NRXN3: variants seen among roughly 807,000 people sequenced by gnomAD.
NRXN3 encodes the protein neurexin III.
A neutral mutation model predicts 137.6 loss-of-function variants in NRXN3; 32 were observed. The observed-to-expected ratio is 0.23, with a 90% confidence interval of 0.18 to 0.31. NRXN3 has a LOEUF of 0.31. Ranked by LOEUF, NRXN3 falls within the 10% of genes least tolerant of loss-of-function variation. The probability of loss-of-function intolerance (pLI) is 1.00; values close to 1 mark genes in which losing one functional copy is unlikely to be tolerated. For missense variants in NRXN3, 1,574 were observed against 2,062.5 expected (o/e 0.76, Z 4.59); for synonymous variants, 798 against 784.5 (o/e 1.02, Z -0.29).
chr14:78,726,724 G>A (rs780489435), intron 8 of NRXN3, among the ~76,000 whole-genome samples: 1 of 151,650 alleles, frequency 6.6e-6, no homozygotes, highest in African/African-American at 2.4e-5. Flanking sequence ...TCACCATGTT[G>A]TCCAGGCTGG....
intron 4 of NRXN3, among the ~76,000 whole-genome samples, chr14:78,475,441 G>A (rs1056840930): frequency 1.3e-5 from 2 of 152,154 alleles, no homozygotes; most frequent in African/African-American, 4.8e-5. Context: ...TGTGCTGACT[G>A]CTTTATGACT....
intron 8 of NRXN3, among the ~76,000 whole-genome samples, chr14:78,782,392 T>A (rs186677391): frequency 2.5e-4 from 38 of 152,274 alleles, no homozygotes; most frequent in African/African-American, 8.9e-4. Context: ...CTTACATCTC[T>A]GGGAGGCGGG....
chr14:78,654,571 G>A (rs374738139), intron 6 of NRXN3, among the ~76,000 whole-genome samples: 27 of 152,182 alleles, frequency 1.8e-4, no homozygotes, highest in African/African-American at 3.1e-4. Context: ...ACTTGTGTGC[G>A]TACTTCCTAA....
At chr14:78,557,884 A>T (rs1010057589) in intron 4 of NRXN3, among the ~76,000 whole-genome samples, 27 of 152,200 alleles carry the variant, frequency 1.8e-4, no homozygotes, top group African/African-American at 6.3e-4. Flanking sequence ...TGAGCACATG[A>T]TTATATAACT....
intron 17 of NRXN3, among the ~76,000 whole-genome samples, chr14:79,671,070 G>A (rs2098605092): frequency 6.6e-6 from 1 of 152,138 alleles, no homozygotes; most frequent in Non-Finnish European, 1.5e-5. Context: ...GGTGATGGCT[G>A]CCATTTGCCG....
In NRXN3 at chr14:78,804,030, A is replaced by C. The variant is rs139956481; in HGVS notation, c.2248+207A>C. Among the ~76,000 whole-genome samples, 380 of 152,238 alleles carry C rather than the reference A, an allele frequency of 2.5e-3. 1 individual carries two copies. The highest frequency in any genetic ancestry group is 4.2e-3 in the Non-Finnish European group (289 of 68,020). ...TTTTGATGTCAATTTCTGGTTTCTG[A>C]CAGTGGTGATTTCTTTACTAGATTA... is the stretch of plus-strand genomic sequence containing the variant. On this transcript the variant is annotated intron_variant, in intron 9 of 20. Transcript: ENST00000335750.
At chr14:78,326,380 T>C (rs1472994897) in intron 4 of NRXN3, among the ~76,000 whole-genome samples, 1 of 152,164 alleles carries the variant, frequency 6.6e-6, no homozygotes, top group Non-Finnish European at 1.5e-5. Context: ...GATAAGTAAA[T>C]GTGAAGTTAC....
At chr14:79,215,578 GC>G (rs1418940715) in intron 15 of NRXN3, among the ~76,000 whole-genome samples, 1 of 152,130 alleles carries the variant, frequency 6.6e-6, no homozygotes, top group African/African-American at 2.4e-5. Flanking sequence ...TGAGAGCCAA[GC>G]AAAAGTGGTC....
At chr14:78,498,274 C>T (rs75063979) in intron 4 of NRXN3, among the ~76,000 whole-genome samples, 2,597 of 152,268 alleles carry the variant, frequency 0.017, 62 homozygotes, top group African/African-American at 0.052. Context: ...TTGAGAATAT[C>T]AGAGGGAGAT....
intron 19 of NRXN3, among the ~76,000 whole-genome samples, chr14:79,733,592 A>G (rs1303274456): frequency 2.6e-5 from 4 of 152,128 alleles, no homozygotes; most frequent in African/African-American, 7.2e-5. Flanking sequence ...ACTGCAGGAA[A>G]ATGCTGAATT....
intron 16 of NRXN3, among the ~76,000 whole-genome samples, chr14:79,616,999 T>C (rs2098163937): frequency 6.6e-6 from 1 of 152,054 alleles, no homozygotes; most frequent in Non-Finnish European, 1.5e-5. Flanking sequence ...CAAGTCCTGA[T>C]CTCATAGGCC....
intron 4 of NRXN3, among the ~76,000 whole-genome samples, chr14:78,639,681 G>A (rs370036315): frequency 2.0e-4 from 30 of 152,306 alleles, no homozygotes; most frequent in African/African-American, 7.2e-4. Context: ...ATCAGATATA[G>A]GGTGCTAGGC....
chr14:78,781,555 C>G (rs746990314), intron 8 of NRXN3, among the ~76,000 whole-genome samples: 12 of 152,194 alleles, frequency 7.9e-5, no homozygotes, highest in African/African-American at 2.2e-4. Flanking sequence ...ACTCCCTGCT[C>G]TCAATGGGAC....
chr14:79,690,019 T>C lies in NRXN3; in HGVS notation c.3617-2154T>C, dbSNP rs533608696. The stretch of plus-strand genomic sequence containing the variant: ...GAATGAAGGTCATTAATATATTTAA[T>C]GTGTAGCCAACAATGGCAGATACAG... On this transcript the variant is annotated intron_variant, in intron 17 of 20. Coordinates refer to ENST00000335750, the MANE Select transcript of NRXN3 (RefSeq NM_001330195.2). 2.0e-5 allele frequency among the ~76,000 whole-genome samples: 3 copies of C among 152,322 alleles called. No homozygotes were observed. The South Asian group carries it at 6.2e-4, about 32-fold the overall frequency.
At chr14:79,486,903 T>C (rs2096660311) in intron 16 of NRXN3, among the ~76,000 whole-genome samples, 1 of 146,742 alleles carries the variant, frequency 6.8e-6, no homozygotes, top group East Asian at 2.0e-4. Context: ...TATTAAACTC[T>C]CTTTACAGGT....
chr14:78,329,179 C>T (rs1374126747), intron 4 of NRXN3, among the ~76,000 whole-genome samples: 6 of 152,118 alleles, frequency 3.9e-5, no homozygotes, highest in Non-Finnish European at 1.5e-5. Flanking sequence ...TTACAAAGTT[C>T]ACTTTCGTGA....
At chr14:78,917,608 G>A (rs1202366414) in intron 10 of NRXN3, among the ~76,000 whole-genome samples, 1 of 152,208 alleles carries the variant, frequency 6.6e-6, no homozygotes, top group East Asian at 1.9e-4. Context: ...ACAGTCTTGA[G>A]CTGCTGATGA....
intron 4 of NRXN3, among the ~76,000 whole-genome samples, chr14:78,304,296 A>G (rs1414589481): frequency 6.6e-6 from 1 of 152,240 alleles, no homozygotes; most frequent in Non-Finnish European, 1.5e-5. Flanking sequence ...ATTTATTCTT[A>G]GACATTTGTC....
chr14:78,198,068 C>G (rs1180838431), intron 1 of NRXN3, among the ~76,000 whole-genome samples: 1 of 152,254 alleles, frequency 6.6e-6, no homozygotes, highest in Non-Finnish European at 1.5e-5. Context: ...GCTCTCCACA[C>G]TCATCCTGCG....
Sources: gnomAD v4.1 joint callset for allele counts (sites outside exome capture counted in the v4.1 genomes callset) on GRCh38, gnomAD v4.1.1 for gene constraint, MANE v1.5 for transcripts, NCBI Gene and HGNC (gene_info 2026-07-23, HGNC 2026-07-21) for gene names.